Variants in ATAD5 observed in about 807,000 individuals in gnomAD.
ATAD5 encodes the protein ATPase family AAA domain-containing protein 5.
ATAD5 carries 58 observed loss-of-function variants against 176.9 expected under a neutral mutation model. The ratio of observed to expected loss-of-function variants is 0.33; its 90% CI spans 0.27 to 0.41. ATAD5 has a LOEUF of 0.41. Among genes scored for constraint, ATAD5 ranks in the 10% least tolerant of loss-of-function variants. The pLI is 1.00. For synonymous variants in ATAD5, 640 were observed against 712.6 expected, an observed-to-expected ratio of 0.90 and a Z score of 1.62; for missense variants, 1,789 against 2,094.1, an observed-to-expected ratio of 0.85 and a Z score of 2.84.
At chr17:30,872,013 G>C (rs1328831576) in intron 14 of ATAD5, among the ~76,000 whole-genome samples, 3 of 152,108 alleles carry the variant, frequency 2.0e-5, no homozygotes, top group Non-Finnish European at 4.4e-5. Flanking sequence ...CCTCGAAGTG[G>C]GCTTGGGCAA....
intron 5 of ATAD5, among the ~76,000 whole-genome samples, 192 bp from the exon 6 acceptor site, chr17:30,844,643 G>T (rs1450329365): frequency 1.3e-5 from 2 of 148,204 alleles, no homozygotes; most frequent in African/African-American, 5.0e-5. Flanking sequence ...AGCTACTCGG[G>T]AGGCTGAGGC....
chr17:30,879,520 A>T, intron 18 of ATAD5, 33 bp downstream of exon 18: 1 of 1,551,778 alleles, frequency 6.4e-7, no homozygotes, highest in Non-Finnish European at 8.7e-7. Flanking sequence ...CACAAATTAC[A>T]TATCACCATC....
chr17:30,857,505 T>C (rs946798616), intron 8 of ATAD5, among the ~76,000 whole-genome samples: 2 of 152,136 alleles, frequency 1.3e-5, no homozygotes, highest in African/African-American at 4.8e-5. Context: ...CGTAAGCCAC[T>C]GTACCCAGCC....
chr17:30,893,869 C>T lies in ATAD5; in HGVS notation c.5016C>T (p.Tyr1672=), dbSNP rs770889957. ...LLTDVREQNK[Y]GRNDFSWTNG... is the part of the protein sequence containing the mutation. ...CTGATGTAAGGGAACAAAACAAATA[C>T]GGTAGAAATGACTTTAGTTGGACAA... The change falls in exon 21 of 23, where the codon TAC becomes TAT. Residue 1672 remains tyrosine (Y), a synonymous_variant. Transcript: ENST00000321990. 19 of 1,613,742 alleles carry T rather than the reference C, an allele frequency of 1.2e-5. 1 individual carries two copies. The highest frequency in any genetic ancestry group is 9.9e-5 in the South Asian group (9 of 91,048).
At chr17:30,873,619 A>AT in intron 14 of ATAD5, among the ~76,000 whole-genome samples, 1 of 150,958 alleles carries the variant, frequency 6.6e-6, no homozygotes, top group Admixed American at 6.6e-5. Flanking sequence ...TGCCTGGCCA[A>AT]TTTTTTTAGA....
intron 10 of ATAD5, chr17:30,862,080 A>T (rs1907669869): frequency 6.7e-6 from 1 of 150,280 alleles, no homozygotes; most frequent in Admixed American, 6.7e-5. Flanking sequence ...CATAACTGTA[A>T]TCCCAGCACT....
At chr17:30,839,596 T>TG (rs1905966761) in intron 3 of ATAD5, among the ~76,000 whole-genome samples, 1 of 146,768 alleles carries the variant, frequency 6.8e-6, no homozygotes, top group African/African-American at 2.5e-5. Context: ...TTTTTTTTTT[T>TG]GAGATGGAGT....
intron 17 of ATAD5, among the ~76,000 whole-genome samples, chr17:30,878,951 C>T (rs998312451): frequency 1.3e-5 from 2 of 151,924 alleles, no homozygotes; most frequent in Admixed American, 6.6e-5. Context: ...AGGCTGGTCT[C>T]GAACTCCTGA....
In ATAD5 at chr17:30,835,910, G is replaced by A. The variant is rs1180072312; in HGVS notation, c.1829G>A (p.Arg610Lys). 6 of 1,614,146 alleles carry A rather than the reference G, an allele frequency of 3.7e-6. No homozygotes were observed. In the South Asian group the frequency reaches 6.6e-5, roughly 18 times the overall value. ...ISSTPTTETI[R>K]GIDSDDVQDN... ...AGCACACCTACTACAGAAACCATTA[G>A]AGGTATTGATTCTGACGATGTACAA... is the stretch of plus-strand genomic sequence containing the variant. The change falls in exon 2 of 23, where the codon AGA becomes AAA. Residue 610 changes from arginine (R) to lysine (K), a missense_variant. Coordinates refer to ENST00000321990, the MANE Select transcript of ATAD5 (RefSeq NM_024857.5).
At position 30,893,647 on chromosome 17, in the gene ATAD5, C is replaced by G. The variant is rs1209364085; in HGVS notation, c.4794C>G (p.Ser1598=). 3 of 1,613,664 alleles carry G rather than the reference C, an allele frequency of 1.9e-6. No homozygotes were observed. The highest frequency in any genetic ancestry group is 1.7e-5 in the Admixed American group (1 of 59,946). The change falls in exon 21 of 23, where the codon TCC becomes TCG. Residue 1598 remains serine, a synonymous_variant. Coordinates refer to ENST00000321990, the MANE Select transcript of ATAD5 (RefSeq NM_024857.5). ...QSISLSSVSS[S]SNAEESKTGD... ...TTAGCCTGTCCTCTGTATCATCTTCCTCAAATGCAGAAGAAAGCAAAACCG... is the reference window on the plus strand; with the variant it reads ...TTAGCCTGTCCTCTGTATCATCTTCGTCAAATGCAGAAGAAAGCAAAACCG...
At chr17:30,846,542 A>G (rs2142332420) in intron 6 of ATAD5, among the ~76,000 whole-genome samples, 1 of 151,718 alleles carries the variant, frequency 6.6e-6, no homozygotes, top group Admixed American at 6.6e-5. Flanking sequence ...AGCTGGGACT[A>G]CAGGCACGCA....
chr17:30,856,238 A>G (rs1031174508), intron 7 of ATAD5, among the ~76,000 whole-genome samples: 1 of 152,192 alleles, frequency 6.6e-6, no homozygotes, highest in Non-Finnish European at 1.5e-5. Flanking sequence ...CAATTCATAT[A>G]CATATCTAGT....
intron 18 of ATAD5, among the ~76,000 whole-genome samples, chr17:30,885,623 CTTTTTTTTTTTT>C (rs778733612): frequency 3.2e-5 from 3 of 93,798 alleles, no homozygotes; most frequent in South Asian, 3.6e-4. Context: ...TTCCAACTTT[CTTTTTTTTTTTT>C]TTTTTTTTTT....
rs1905707111 is a variant in ATAD5, at chr17:30,835,826, A to G, written c.1745A>G (p.Glu582Gly). The stretch of plus-strand genomic sequence containing the variant: ...CTTACACAGTCTAAAGCTGAATCTG[A>G]AGCCAGCTTGCTAAATGTTTCCACG... Reference protein sequence around the residue: ...IKLTQSKAESEASLLNVSTPK... With the variant: ...IKLTQSKAESGASLLNVSTPK... Residue 582 changes from glutamate (E) to glycine (G), a missense_variant, in exon 2 of 23, where the codon GAA (glutamate) becomes GGA (glycine). Coordinates refer to ENST00000321990, the MANE Select transcript of ATAD5 (RefSeq NM_024857.5). 1.9e-6 allele frequency: 3 copies of G among 1,613,410 alleles called. No homozygotes were observed. Among genetic ancestry groups the G allele is most frequent in the Non-Finnish European group, 2.5e-6 (3 of 1,179,822 alleles).
chr17:30,870,317 A>G (rs115085655), intron 14 of ATAD5, among the ~76,000 whole-genome samples: 1 of 151,998 alleles, frequency 6.6e-6, no homozygotes, highest in Non-Finnish European at 1.5e-5. Flanking sequence ...TTGTTGAAGA[A>G]TCTGAGTCAT....
intron 15 of ATAD5, 21 bp from the exon 16 acceptor site, chr17:30,877,395 A>G (rs1364059207): frequency 7.1e-7 from 1 of 1,412,008 alleles, no homozygotes; most frequent in East Asian, 2.3e-5. Context: ...TACCTAAAAT[A>G]TTAATATTGT....
At chr17:30,833,045 C>T (rs1905478508) in intron 1 of ATAD5, among the ~76,000 whole-genome samples, 1 of 152,160 alleles carries the variant, frequency 6.6e-6, no homozygotes, top group South Asian at 2.1e-4. Context: ...TATTTTACAC[C>T]TTTTCATCTC....
intron 14 of ATAD5, among the ~76,000 whole-genome samples, chr17:30,871,494 A>C (rs550358407): frequency 6.6e-6 from 1 of 151,470 alleles, no homozygotes; most frequent in Non-Finnish European, 1.5e-5. Context: ...ATTATAGGCA[A>C]CCGCCACCAC....
intron 18 of ATAD5, among the ~76,000 whole-genome samples, chr17:30,886,807 A>T (rs946005541): frequency 2.6e-5 from 4 of 151,608 alleles, no homozygotes; most frequent in African/African-American, 9.7e-5. Context: ...CCTGGTTTTT[A>T]AAAAATTGTG....
Sources: gnomAD v4.1 joint callset for allele counts (sites outside exome capture counted in the v4.1 genomes callset) on GRCh38, gnomAD v4.1.1 for gene constraint, MANE v1.5 for transcripts, NCBI Gene and HGNC (gene_info 2026-07-23, HGNC 2026-07-21) for gene names.